Variants in WDR76 observed in about 807,000 individuals in gnomAD.
WDR76 encodes the protein WD repeat-containing protein 76.
Under a neutral mutation model 70.2 loss-of-function variants are expected in WDR76, and 52 were observed. The ratio of observed to expected loss-of-function variants is 0.74; its 90% confidence interval spans 0.59 to 0.93. WDR76 has a LOEUF of 0.93. Among genes scored for constraint, WDR76 ranks in the 40% least tolerant of loss-of-function variants. The pLI is 0.00. For synonymous variants in WDR76, 292 were observed against 271.1 expected (o/e 1.08, Z -0.76); for missense variants, 756 against 760.2 (o/e 0.99, Z 0.07).
At chr15:43,855,258 C>T (rs2087914236) in intron 9 of WDR76, among the ~76,000 whole-genome samples, 1 of 152,154 alleles carries the variant, frequency 6.6e-6, no homozygotes, top group African/African-American at 2.4e-5. Flanking sequence ...GCTTTATATA[C>T]ATCATTAAGC....
At chr15:43,845,730 T>G (rs2087780291) in intron 8 of WDR76, among the ~76,000 whole-genome samples, 1 of 150,616 alleles carries the variant, frequency 6.6e-6, no homozygotes, top group Admixed American at 6.6e-5. Context: ...CCATTCATTG[T>G]GCATATAATT....
At chr15:43,862,276 C>CTTTTTTTT in intron 12 of WDR76, among the ~76,000 whole-genome samples, 1 of 42,160 alleles carries the variant, frequency 2.4e-5, no homozygotes, top group African/African-American at 9.5e-5. Context: ...TTATCAGTTT[C>CTTTTTTTT]TTTTTTTTTT....
At chr15:43,831,900 C>A (rs1013500078) in intron 2 of WDR76, among the ~76,000 whole-genome samples, 3 of 151,074 alleles carry the variant, frequency 2.0e-5, no homozygotes, top group African/African-American at 7.3e-5. Context: ...GTGGTGCGAT[C>A]TCAGCTTACT....
At chr15:43,830,919 G>T (rs891503659) in intron 2 of WDR76, among the ~76,000 whole-genome samples, 1 of 151,860 alleles carries the variant, frequency 6.6e-6, no homozygotes, top group Non-Finnish European at 1.5e-5. Flanking sequence ...ATGGTGGTGG[G>T]CACCTGTAGT....
At chr15:43,849,369 T>A (rs1483123126) in intron 8 of WDR76, among the ~76,000 whole-genome samples, 1 of 152,240 alleles carries the variant, frequency 6.6e-6, no homozygotes, top group Non-Finnish European at 1.5e-5. Flanking sequence ...TAGCTTCATT[T>A]TCTTATATTA....
At chr15:43,864,716 T>C (rs1459553101) in intron 12 of WDR76, among the ~76,000 whole-genome samples, 1 of 151,190 alleles carries the variant, frequency 6.6e-6, no homozygotes, top group African/African-American at 2.4e-5. Flanking sequence ...TGCCTCAGCC[T>C]CCTGAGTAGC....
chr15:43,857,277 A>C (rs1188979683), intron 10 of WDR76, 114 bp downstream of exon 10: 4 of 1,167,030 alleles, frequency 3.4e-6, no homozygotes, highest in Non-Finnish European at 4.7e-6. Flanking sequence ...TACTTTTGTA[A>C]TACCCAAAGG....
intron 2 of WDR76, among the ~76,000 whole-genome samples, chr15:43,831,792 GAA>G (rs968172145): frequency 1.3e-5 from 2 of 151,764 alleles, no homozygotes; most frequent in African/African-American, 4.8e-5. Context: ...AGCTTTCTGA[GAA>G]AAAGTGTATA....
chr15:43,840,154 C>T lies in WDR76; in HGVS notation c.732+426C>T, dbSNP rs147594226. ...GATTACAGGTGTGAGCCACTGTGCC[C>T]GGCCCATTTGTACGCTTTAATGAGT... On this transcript the variant is annotated intron_variant, in intron 5 of 12. Coordinates refer to ENST00000263795, the MANE Select transcript of WDR76 (RefSeq NM_024908.4). Among the ~76,000 whole-genome samples the T allele has an allele frequency of 6.8e-3, 1,034 of 152,134 alleles. 15 individuals carry two copies. The highest frequency in any genetic ancestry group is 0.023 in the African/African-American group (974 of 41,496).
In WDR76 at chr15:43,836,175, C is replaced by G. The variant is rs1219312277; in HGVS notation, c.567C>G (p.Leu189=). ...ATACTTTACAGTCTGCTGCAAGACT[C>G]CGTGAAATGATAGAGAAGAGACAGC... is the stretch of plus-strand genomic sequence containing the variant. ...SLQLSESAAR[L]REMIEKRQPP... Residue 189 remains leucine (L), a synonymous_variant, in exon 4 of 13, where the codon CTC becomes CTG. Transcript: ENST00000263795. 6.2e-7 allele frequency: 1 copy of G among 1,607,932 alleles called. No homozygotes were observed. Among genetic ancestry groups the G allele is most frequent in the Non-Finnish European group, 8.5e-7 (1 of 1,177,300 alleles).
At chr15:43,851,771 A>G (rs1458126294) in intron 9 of WDR76, among the ~76,000 whole-genome samples, 4 of 152,228 alleles carry the variant, frequency 2.6e-5, no homozygotes, top group Non-Finnish European at 4.4e-5. Context: ...TTGTCTCTAC[A>G]GAAAATAAAA....
chr15:43,835,906 C>T (rs1380246547), intron 3 of WDR76, among the ~76,000 whole-genome samples: 2 of 151,264 alleles, frequency 1.3e-5, no homozygotes, highest in Admixed American at 6.6e-5. Context: ...ATCTACTTGC[C>T]TTGACCTCCC....
chr15:43,864,263 A>G (rs1359098832), intron 12 of WDR76, among the ~76,000 whole-genome samples: 1 of 152,142 alleles, frequency 6.6e-6, no homozygotes, highest in Non-Finnish European at 1.5e-5. Context: ...TCCTTTGGAT[A>G]TATTCTCAGT....
rs551470405 is a variant in WDR76, at chr15:43,866,689, C to T, written c.*297C>T. ...TTGCCCAGGCTGGAGTGCAATAGCG[C>T]GATCTTGGCTCACCGCAACCTCCGC... On this transcript the variant is annotated 3_prime_UTR_variant, in exon 13 of 13. Coordinates refer to ENST00000263795, the MANE Select transcript of WDR76 (RefSeq NM_024908.4). 2.5e-4 allele frequency: 65 copies of T among 263,428 alleles called. No homozygotes were observed. Among genetic ancestry groups the T allele is most frequent in the African/African-American group, 1.3e-3 (57 of 42,700 alleles). The allele number at this position is 263,428 out of a possible 1,614,324, so 16.3% of individuals were successfully genotyped here.
At chr15:43,848,017 C>A (rs987050361) in intron 8 of WDR76, among the ~76,000 whole-genome samples, 4 of 151,700 alleles carry the variant, frequency 2.6e-5, no homozygotes, top group Non-Finnish European at 5.9e-5. Flanking sequence ...TGGCTTAAGC[C>A]CACTAATTTG....
At chr15:43,856,603 C>CTT (rs947724840) in intron 9 of WDR76, among the ~76,000 whole-genome samples, 5 of 131,746 alleles carry the variant, frequency 3.8e-5, no homozygotes, top group African/African-American at 8.4e-5. Context: ...TGTTTTGTTT[C>CTT]TTTTTTTTTT....
intron 11 of WDR76, 64 bp from the exon 12 acceptor site, chr15:43,861,269 A>G: frequency 1.6e-6 from 2 of 1,277,434 alleles, no homozygotes; most frequent in Non-Finnish European, 1.1e-6. Flanking sequence ...TGTTAAATAC[A>G]CTGATATTTA....
intron 9 of WDR76, 131 bp downstream of exon 9, chr15:43,851,376 G>A (rs1179781470): frequency 2.4e-6 from 3 of 1,252,612 alleles, no homozygotes; most frequent in Non-Finnish European, 3.3e-6. Context: ...CGCTGCCTAA[G>A]TTCAAATCCC....
intron 12 of WDR76, among the ~76,000 whole-genome samples, chr15:43,864,898 TTATG>T (rs968484559): frequency 6.6e-6 from 1 of 152,040 alleles, no homozygotes; most frequent in Non-Finnish European, 1.5e-5. Flanking sequence ...CCAGCCAGTA[TTATG>T]TATATTTATT....
Sources: gnomAD v4.1 joint callset for allele counts (sites outside exome capture counted in the v4.1 genomes callset) on GRCh38, gnomAD v4.1.1 for gene constraint, MANE v1.5 for transcripts, NCBI Gene and HGNC (gene_info 2026-07-23, HGNC 2026-07-21) for gene names.